GALNT17: variants seen among roughly 807,000 people sequenced by gnomAD.
The protein encoded by GALNT17 is UDP-GalNAc:polypeptide N-acetylgalactosaminyltransferase-like 3.
A neutral mutation model predicts 63.7 loss-of-function variants in GALNT17; 29 were observed. That is an observed-to-expected ratio of 0.46 (90% CI 0.34 to 0.62). The LOEUF (loss-of-function observed/expected upper bound fraction) is 0.62, where lower values mean the gene tolerates loss of function less well. Ranked by LOEUF, GALNT17 falls within the 20% of genes least tolerant of loss-of-function variation. The pLI is 0.01. For synonymous variants in GALNT17, 305 were observed against 318.3 expected (o/e 0.96, Z 0.45); for missense variants, 603 against 799.6 (o/e 0.75, Z 2.97).
At chr7:71,653,197 G>A (rs1003580282) in intron 6 of GALNT17, among the ~76,000 whole-genome samples, 1 of 151,866 alleles carries the variant, frequency 6.6e-6, no homozygotes, top group Non-Finnish European at 1.5e-5. Context: ...TGTATTTTTA[G>A]TAGAGACGGG....
At chr7:71,271,940 G>A (rs1392450008) in intron 1 of GALNT17, among the ~76,000 whole-genome samples, 2 of 152,102 alleles carry the variant, frequency 1.3e-5, no homozygotes, top group Non-Finnish European at 2.9e-5. Context: ...TTTAATTTTT[G>A]TAGAGATGGG....
At chr7:71,427,227 G>A (rs558950076) in intron 5 of GALNT17, among the ~76,000 whole-genome samples, 28 of 151,300 alleles carry the variant, frequency 1.9e-4, no homozygotes, top group African/African-American at 4.6e-4. Context: ...CTACAGGTGC[G>A]TGCCTCCACA....
intron 6 of GALNT17, among the ~76,000 whole-genome samples, chr7:71,633,401 T>C (rs1045596578): frequency 6.6e-6 from 1 of 152,184 alleles, no homozygotes; most frequent in African/African-American, 2.4e-5. Context: ...CTACGCAGTT[T>C]GTCCTGGGGG....
At chr7:71,638,480 C>G (rs190467882) in intron 6 of GALNT17, among the ~76,000 whole-genome samples, 2 of 152,254 alleles carry the variant, frequency 1.3e-5, no homozygotes, top group East Asian at 3.9e-4. Context: ...GAGGCTGTCC[C>G]TCCCCTGGAA....
rs190699384 is a variant in GALNT17, at chr7:71,671,660, G to A, written c.1404+1551G>A. On this transcript the variant is annotated intron_variant, in intron 8 of 10. Coordinates refer to ENST00000333538, the MANE Select transcript of GALNT17 (RefSeq NM_022479.3). ...CCATTCCCTCATCTATAAAATGGGA[G>A]GAAGGAGAGTATCTCCTCTACAGGA... Among the ~76,000 whole-genome samples, 722 of 152,296 alleles carry A rather than the reference G, an allele frequency of 4.7e-3. 9 individuals are homozygous for A. Among genetic ancestry groups the A allele is most frequent in the African/African-American group, 0.016 (683 of 41,560 alleles).
intron 9 of GALNT17, among the ~76,000 whole-genome samples, chr7:71,700,896 T>G (rs1176817393): frequency 3.3e-5 from 5 of 152,230 alleles, no homozygotes; most frequent in African/African-American, 1.2e-4. Flanking sequence ...AAGCAAGCAC[T>G]GTGTCATTCA....
At chr7:71,201,291 A>G (rs1483150056) in intron 1 of GALNT17, among the ~76,000 whole-genome samples, 1 of 139,464 alleles carries the variant, frequency 7.2e-6, no homozygotes, top group Non-Finnish European at 1.5e-5. Context: ...GCTTAATACT[A>G]TACATGTGTG....
intron 1 of GALNT17, among the ~76,000 whole-genome samples, chr7:71,204,689 C>G (rs1235174417): frequency 6.6e-6 from 1 of 151,788 alleles, no homozygotes; most frequent in Non-Finnish European, 1.5e-5. Flanking sequence ...CCTCAGCCAC[C>G]TGAGTACCTG....
intron 5 of GALNT17, among the ~76,000 whole-genome samples, chr7:71,517,854 A>T (rs558360093): frequency 6.6e-6 from 1 of 152,324 alleles, no homozygotes; most frequent in Admixed American, 6.5e-5. Context: ...TGAGCCTGTG[A>T]TGAAAGTTAT....
At chr7:71,563,710 C>G (rs1380159037) in intron 5 of GALNT17, among the ~76,000 whole-genome samples, 1 of 152,078 alleles carries the variant, frequency 6.6e-6, no homozygotes, top group Admixed American at 6.6e-5. Context: ...TCCCAAGTAG[C>G]TGGGACTATA....
At chr7:71,704,531 T>C (rs1275928496) in intron 9 of GALNT17, among the ~76,000 whole-genome samples, 3 of 141,624 alleles carry the variant, frequency 2.1e-5, no homozygotes, top group Non-Finnish European at 4.5e-5. Context: ...AATCCTAAAA[T>C]ACATATGAAA....
intron 1 of GALNT17, among the ~76,000 whole-genome samples, chr7:71,139,310 C>CTT (rs1165041050): frequency 6.6e-6 from 1 of 152,122 alleles, no homozygotes; most frequent in Non-Finnish European, 1.5e-5. Context: ...TAGAGACACC[C>CTT]TCTCCTCTCC....
chr7:71,140,865 T>C (rs984649233), intron 1 of GALNT17, among the ~76,000 whole-genome samples: 1 of 150,994 alleles, frequency 6.6e-6, no homozygotes, highest in African/African-American at 2.4e-5. Context: ...CTACAAAAAA[T>C]AAAAAATTAG....
chr7:71,701,777 GTGTGTGTATATATA>G (rs1192775076), intron 9 of GALNT17, among the ~76,000 whole-genome samples: 1 of 102,500 alleles, frequency 9.8e-6, no homozygotes, highest in Non-Finnish European at 1.8e-5. Context: ...ATATATATGT[GTGTGTGTATATATA>G]TGTGTGTGTG....
At chr7:71,592,496 AAAAATAAAAT>A (rs374557191) in intron 6 of GALNT17, among the ~76,000 whole-genome samples, 1 of 90,966 alleles carries the variant, frequency 1.1e-5, no homozygotes, top group African/African-American at 4.3e-5. Context: ...ACTCCATTTC[AAAAATAAAAT>A]AAAATAAAAT....
chr7:71,287,971 G>A (rs940736570), intron 1 of GALNT17, among the ~76,000 whole-genome samples: 2 of 150,240 alleles, frequency 1.3e-5, no homozygotes, highest in Non-Finnish European at 2.9e-5. Flanking sequence ...AGAATCGCTT[G>A]AACCAGGGAG....
chr7:71,458,371 G>C (rs1787391548), intron 5 of GALNT17, among the ~76,000 whole-genome samples: 1 of 152,326 alleles, frequency 6.6e-6, no homozygotes, highest in African/African-American at 2.4e-5. Context: ...AAACAGTCAG[G>C]TGCAGGAGCG....
intron 1 of GALNT17, among the ~76,000 whole-genome samples, chr7:71,238,019 T>G (rs995935361): frequency 6.6e-6 from 1 of 152,198 alleles, no homozygotes; most frequent in African/African-American, 2.4e-5. Context: ...AGAGAAGCTG[T>G]GCTTAAGGGC....
At chr7:71,575,662 A>T (rs962904468) in intron 6 of GALNT17, among the ~76,000 whole-genome samples, 7 of 152,122 alleles carry the variant, frequency 4.6e-5, no homozygotes, top group Admixed American at 4.6e-4. Flanking sequence ...TGCTGGGATG[A>T]CAGGAGTGAG....
Sources: gnomAD v4.1 joint callset for allele counts (sites outside exome capture counted in the v4.1 genomes callset) on GRCh38, gnomAD v4.1.1 for gene constraint, MANE v1.5 for transcripts, NCBI Gene and HGNC (gene_info 2026-07-23, HGNC 2026-07-21) for gene names.